Variants in PACRG observed in about 807,000 individuals in gnomAD.
The protein encoded by PACRG is parkin coregulated, also known as parkin coregulated gene protein.
Under a neutral mutation model 29.7 loss-of-function variants are expected in PACRG, and 29 were observed. That is an observed-to-expected ratio of 0.98 (90% confidence interval 0.73 to 1.33). PACRG has a LOEUF of 1.33. Ranked by LOEUF, PACRG falls within the 40% of genes most tolerant of loss-of-function variation. The pLI is 0.00. For missense variants in PACRG, 279 were observed against 316.2 expected, an observed-to-expected ratio of 0.88 and a Z score of 0.89; for synonymous variants, 116 against 118.7, an observed-to-expected ratio of 0.98 and a Z score of 0.15.
chr6:163,097,192 G>A (rs1048815420), intron 4 of PACRG, among the ~76,000 whole-genome samples: 1 of 152,168 alleles, frequency 6.6e-6, no homozygotes, highest in Non-Finnish European at 1.5e-5. Context: ...TATATTTGTG[G>A]TTTCTCTGTA....
chr6:162,829,851 G>T (rs1788598913), intron 2 of PACRG, among the ~76,000 whole-genome samples: 1 of 152,090 alleles, frequency 6.6e-6, no homozygotes, highest in Admixed American at 6.5e-5. Flanking sequence ...TGGCATATTT[G>T]GGGATCGCTG....
At chr6:163,278,158 T>A (rs1784112577) in intron 4 of PACRG, among the ~76,000 whole-genome samples, 1 of 152,190 alleles carries the variant, frequency 6.6e-6, no homozygotes, top group Admixed American at 6.5e-5. Flanking sequence ...TCTATTCATA[T>A]CCTTAGCCCA....
At chr6:162,955,500 C>G (rs1799952067) in intron 2 of PACRG, among the ~76,000 whole-genome samples, 2 of 152,220 alleles carry the variant, frequency 1.3e-5, no homozygotes, top group Non-Finnish European at 2.9e-5. Context: ...CGGGTTTGCC[C>G]ATGTTGGCCA....
intron 2 of PACRG, among the ~76,000 whole-genome samples, chr6:162,854,896 AC>A (rs1258261695): frequency 3.3e-5 from 5 of 152,228 alleles, no homozygotes; most frequent in Non-Finnish European, 7.3e-5. Flanking sequence ...TTGGAGGTGC[AC>A]AGAGTCCGAA....
At chr6:163,281,627 T>C (rs1784230229) in intron 4 of PACRG, among the ~76,000 whole-genome samples, 1 of 152,230 alleles carries the variant, frequency 6.6e-6, no homozygotes, top group South Asian at 2.1e-4. Context: ...GCAAGATCTC[T>C]AGTAAATGAA....
At chr6:163,275,667 C>T (rs564032726) in intron 4 of PACRG, among the ~76,000 whole-genome samples, 2 of 152,286 alleles carry the variant, frequency 1.3e-5, no homozygotes, top group East Asian at 3.9e-4. Context: ...TAAGTTTTCT[C>T]CCTTTTAAGT....
intron 2 of PACRG, among the ~76,000 whole-genome samples, chr6:162,964,918 T>C (rs368417010): frequency 3.3e-5 from 5 of 152,234 alleles, no homozygotes; most frequent in African/African-American, 1.2e-4. Context: ...TTTGAACATC[T>C]GAATGTAACG....
In PACRG at chr6:163,272,187, C is replaced by T. The variant is rs372549067; in HGVS notation, c.614-42640C>T. The stretch of plus-strand genomic sequence containing the variant: ...CCAAATAGCTGGGACTACAGGCATG[C>T]GCCACCATGCCCAGCTAATTTTTGT... On this transcript the variant is annotated intron_variant, in intron 4 of 4. Transcript: ENST00000366888. Among the ~76,000 whole-genome samples the T allele has an allele frequency of 7.2e-5, 11 of 152,130 alleles. No homozygotes were observed. In the East Asian group the frequency reaches 7.8e-4, roughly 11 times the overall value.
chr6:162,927,239 T>C lies in PACRG; in HGVS notation c.291+112958T>C, dbSNP rs376201419. Among the ~76,000 whole-genome samples, 17 of 152,264 alleles carry C rather than the reference T, an allele frequency of 1.1e-4. No homozygotes were observed. The East Asian group carries it at 3.1e-3, about 28-fold the overall frequency. ...TTAGTTCAACTATTGTGGAAGACAG[T>C]GTGGCTTTTCCTCAAGGACCTAGAA... On this transcript the variant is annotated intron_variant, in intron 2 of 4. Coordinates refer to ENST00000366888, the MANE Select transcript of PACRG (RefSeq NM_001080379.2).
Position 162,906,699 on chromosome 6 carries a change from C to A in PACRG, c.291+92418C>A, listed in dbSNP as rs117484799. ...ACTACAGGCATCTCAAAAGACGTTA[C>A]AAGTATTGAAGATCTTTATGCCTCT... On this transcript the variant is annotated intron_variant, in intron 2 of 4. Coordinates refer to ENST00000366888, the MANE Select transcript of PACRG (RefSeq NM_001080379.2). 7.0e-4 allele frequency among the ~76,000 whole-genome samples: 106 copies of A among 152,302 alleles called. 2 individuals are homozygous for A. In the East Asian group the frequency reaches 0.019, roughly 28 times the overall value.
chr6:162,733,527 A>T (rs1779933923), intron 1 of PACRG, among the ~76,000 whole-genome samples: 1 of 152,104 alleles, frequency 6.6e-6, no homozygotes, highest in South Asian at 2.1e-4. Context: ...TGGAGCCCAG[A>T]AGCTCCCTTT....
At chr6:163,269,799 AGG>A (rs1783672671) in intron 4 of PACRG, among the ~76,000 whole-genome samples, 1 of 111,652 alleles carries the variant, frequency 9.0e-6, no homozygotes, top group African/African-American at 3.6e-5. Flanking sequence ...AAAGAAAGGA[AGG>A]AAGGAAGGAA....
chr6:162,851,164 G>C (rs149712873), intron 2 of PACRG, among the ~76,000 whole-genome samples: 145 of 152,326 alleles, frequency 9.5e-4, no homozygotes, highest in Middle Eastern at 3.4e-3. Flanking sequence ...TGAACCTCCT[G>C]GTGAGCACGT....
At chr6:163,052,882 T>C (rs1172460858) in intron 2 of PACRG, among the ~76,000 whole-genome samples, 1 of 152,178 alleles carries the variant, frequency 6.6e-6, no homozygotes, top group Non-Finnish European at 1.5e-5. Flanking sequence ...GGTCACATAG[T>C]AGGTACTATG....
chr6:163,109,171 G>A (rs907802983), intron 4 of PACRG, among the ~76,000 whole-genome samples: 1 of 152,194 alleles, frequency 6.6e-6, no homozygotes, highest in Non-Finnish European at 1.5e-5. Context: ...TGAAAGTAAG[G>A]TTTCTCTACC....
chr6:163,232,764 A>C (rs1019104618), intron 4 of PACRG, among the ~76,000 whole-genome samples: 1 of 152,218 alleles, frequency 6.6e-6, no homozygotes, highest in African/African-American at 2.4e-5. Flanking sequence ...GAGCAGGAAG[A>C]ACAGTCCAGG....
intron 4 of PACRG, among the ~76,000 whole-genome samples, chr6:163,251,031 G>A (rs763004746): frequency 2.0e-5 from 3 of 151,828 alleles, no homozygotes; most frequent in Non-Finnish European, 4.4e-5. Context: ...AGCATCATAT[G>A]TTCTCACTGA....
chr6:163,124,761 G>A (rs1816447214), intron 4 of PACRG, among the ~76,000 whole-genome samples: 1 of 152,194 alleles, frequency 6.6e-6, no homozygotes, highest in South Asian at 2.1e-4. Context: ...CCTTCGAGAG[G>A]CCGTACAGCT....
At chr6:162,960,047 A>T (rs1562781315) in intron 2 of PACRG, among the ~76,000 whole-genome samples, 1 of 152,216 alleles carries the variant, frequency 6.6e-6, no homozygotes, top group Admixed American at 6.5e-5. Context: ...AAATCAAACC[A>T]CAATGAGGTA....
Sources: gnomAD v4.1 joint callset for allele counts (sites outside exome capture counted in the v4.1 genomes callset) on GRCh38, gnomAD v4.1.1 for gene constraint, MANE v1.5 for transcripts, NCBI Gene and HGNC (gene_info 2026-07-23, HGNC 2026-07-21) for gene names.